Variants in MUSK observed in about 807,000 individuals in gnomAD.
MUSK encodes muscle, skeletal receptor tyrosine-protein kinase.
Under a neutral mutation model 88.7 loss-of-function variants are expected in MUSK, and 55 were observed. That is an observed-to-expected ratio of 0.62 (90% confidence interval 0.50 to 0.78). The LOEUF (loss-of-function observed/expected upper bound fraction) is 0.78, where lower values mean the gene tolerates loss of function less well. Ranked by LOEUF, MUSK falls within the 30% of genes least tolerant of loss-of-function variation. MUSK has a pLI of 0.00. For missense variants in MUSK, 1,015 were observed against 1,074.3 expected (o/e 0.94, Z 0.77); for synonymous variants, 387 against 391.9 (o/e 0.99, Z 0.15).
At chr9:110,699,916 T>C (rs2076480320) in intron 5 of MUSK, among the ~76,000 whole-genome samples, 1 of 152,198 alleles carries the variant, frequency 6.6e-6, no homozygotes, top group Non-Finnish European at 1.5e-5. Context: ...AAGATAAACA[T>C]GCCAGGCCAT....
At chr9:110,768,127 A>C in intron 9 of MUSK, 44 bp downstream of exon 9, 8 of 1,546,300 alleles carry the variant, frequency 5.2e-6, no homozygotes, top group Non-Finnish European at 7.0e-6. Context: ...CCATTTTTCT[A>C]TCTGCACAAC....
At chr9:110,734,021 G>A (rs1307507286) in intron 5 of MUSK, among the ~76,000 whole-genome samples, 1 of 152,062 alleles carries the variant, frequency 6.6e-6, no homozygotes, top group African/African-American at 2.4e-5. Flanking sequence ...ACAAGGGCAA[G>A]TTTCCATGTT....
At chr9:110,669,050 T>G in intron 1 of MUSK, 67 bp downstream of exon 1, 1 of 1,329,140 alleles carries the variant, frequency 7.5e-7, no homozygotes, top group Non-Finnish European at 1.1e-6. Flanking sequence ...ATATGAGATA[T>G]GACCAAGACT....
chr9:110,733,803 AAAAT>A (rs1227245155), intron 5 of MUSK, among the ~76,000 whole-genome samples: 1 of 152,146 alleles, frequency 6.6e-6, no homozygotes, highest in Non-Finnish European at 1.5e-5. Context: ...AGACAAGTAA[AAAAT>A]AAATAAGGTA....
chr9:110,785,950 A>G (rs902208518), intron 13 of MUSK, among the ~76,000 whole-genome samples: 8 of 148,990 alleles, frequency 5.4e-5, no homozygotes, highest in African/African-American at 2.0e-4. Flanking sequence ...AGTATTATAT[A>G]GTATTAATAC....
At chr9:110,673,379 G>A (rs1406276338) in intron 1 of MUSK, among the ~76,000 whole-genome samples, 1 of 152,116 alleles carries the variant, frequency 6.6e-6, no homozygotes, top group African/African-American at 2.4e-5. Flanking sequence ...TTTCTGGTCT[G>A]CAAGTGGAAA....
intron 14 of MUSK, among the ~76,000 whole-genome samples, chr9:110,788,633 AAAAAAGG>A (rs2077915818): frequency 6.6e-6 from 1 of 151,900 alleles, no homozygotes. Flanking sequence ...TTCCATCTTT[AAAAAAGG>A]AAGAAAAAAA....
intron 7 of MUSK, among the ~76,000 whole-genome samples, chr9:110,757,336 G>A (rs2077339123): frequency 6.6e-6 from 1 of 151,890 alleles, no homozygotes; most frequent in Non-Finnish European, 1.5e-5. Context: ...GCAGGTGCCT[G>A]TAGTCCCAGC....
chr9:110,704,995 A>G (rs184856128), intron 5 of MUSK, among the ~76,000 whole-genome samples: 28 of 151,748 alleles, frequency 1.8e-4, no homozygotes, highest in East Asian at 1.2e-3. Flanking sequence ...AAAAAAAAAA[A>G]AAAGAAAGAA....
chr9:110,681,999 TA>T (rs553282742), intron 1 of MUSK, among the ~76,000 whole-genome samples: 2 of 151,818 alleles, frequency 1.3e-5, no homozygotes, highest in Non-Finnish European at 2.9e-5. Flanking sequence ...CCTGTTGTCT[TA>T]AAAAAAATAA....
chr9:110,675,559 TC>T (rs1564205511), intron 1 of MUSK, among the ~76,000 whole-genome samples: 2 of 129,300 alleles, frequency 1.5e-5, no homozygotes, highest in Non-Finnish European at 3.2e-5. Flanking sequence ...TCAATAGTCT[TC>T]CCTTTTTTTT....
chr9:110,689,167 AACT>A (rs2076244196), intron 3 of MUSK, among the ~76,000 whole-genome samples: 2 of 106,210 alleles, frequency 1.9e-5, no homozygotes, highest in South Asian at 5.3e-4. Flanking sequence ...AATATAAATA[AACT>A]ATATATTTAT....
intron 7 of MUSK, among the ~76,000 whole-genome samples, chr9:110,749,601 T>C (rs1325889408): frequency 6.6e-6 from 1 of 152,190 alleles, no homozygotes; most frequent in African/African-American, 2.4e-5. Context: ...GCAATAGATA[T>C]ATCCTCTAGC....
At chr9:110,706,592 T>G (rs1268305628) in intron 5 of MUSK, among the ~76,000 whole-genome samples, 2 of 152,108 alleles carry the variant, frequency 1.3e-5, no homozygotes, top group Non-Finnish European at 1.5e-5. Flanking sequence ...ACATGCTGAT[T>G]TGAATGGCAG....
At chr9:110,797,997 T>C (rs1489522253) in intron 14 of MUSK, among the ~76,000 whole-genome samples, 2 of 152,222 alleles carry the variant, frequency 1.3e-5, no homozygotes, top group Admixed American at 1.3e-4. Context: ...TTTTCTCTCA[T>C]TTTTATTGTC....
At chr9:110,776,307 G>A (rs1037218722) in intron 10 of MUSK, among the ~76,000 whole-genome samples, 4 of 152,108 alleles carry the variant, frequency 2.6e-5, no homozygotes, top group African/African-American at 9.7e-5. Context: ...CAGCAGAGTG[G>A]AATAAAGGAA....
chr9:110,714,175 A>G (rs1441563605), intron 5 of MUSK, among the ~76,000 whole-genome samples: 1 of 152,196 alleles, frequency 6.6e-6, no homozygotes, highest in African/African-American at 2.4e-5. Context: ...TTAAACTTCT[A>G]ATATATTTTC....
chr9:110,780,018 TTTTA>T (rs1001498642), intron 11 of MUSK, among the ~76,000 whole-genome samples: 3 of 152,106 alleles, frequency 2.0e-5, no homozygotes, highest in Non-Finnish European at 2.9e-5. Flanking sequence ...TTTGTTCCTC[TTTTA>T]TTTTTCTTTT....
chr9:110,772,977 G>C (rs961773864), intron 9 of MUSK, among the ~76,000 whole-genome samples: 1 of 152,020 alleles, frequency 6.6e-6, no homozygotes, highest in Non-Finnish European at 1.5e-5. Context: ...TGGTACAAAA[G>C]TAATTGTGTT....
Sources: gnomAD v4.1 joint callset for allele counts (sites outside exome capture counted in the v4.1 genomes callset) on GRCh38, gnomAD v4.1.1 for gene constraint, MANE v1.5 for transcripts, NCBI Gene and HGNC (gene_info 2026-07-23, HGNC 2026-07-21) for gene names.